Variants in DOP1B observed in about 807,000 individuals in gnomAD.
The protein encoded by DOP1B is protein DOP1B.
DOP1B carries 174 observed loss-of-function variants against 233.5 expected under a neutral mutation model. That is an observed-to-expected ratio of 0.75 (90% CI 0.66 to 0.85). The LOEUF (loss-of-function observed/expected upper bound fraction) is 0.85, where lower values mean the gene tolerates loss of function less well. Ranked by LOEUF, DOP1B falls within the 40% of genes least tolerant of loss-of-function variation. The pLI is 0.00. For synonymous variants in DOP1B, 1,190 were observed against 1,185.6 expected, an observed-to-expected ratio of 1.00 and a Z score of -0.08; for missense variants, 2,652 against 2,846.6, an observed-to-expected ratio of 0.93 and a Z score of 1.56.
chr21:36,231,279 T>C (rs2066762144), intron 14 of DOP1B, 145 bp downstream of exon 14: 1 of 1,074,468 alleles, frequency 9.3e-7, no homozygotes, highest in Non-Finnish European at 1.3e-6. Flanking sequence ...ATATTTGCCT[T>C]ACACTTACCG....
chr21:36,164,802 G>T lies in DOP1B; in HGVS notation c.69G>T (p.Lys23Asn). 6.2e-7 allele frequency: 1 copy of T among 1,612,590 alleles called. No homozygotes were observed. The highest frequency in any genetic ancestry group is 8.5e-7 in the Non-Finnish European group (1 of 1,179,380). ...GAAGCTACTCTTCAGTGATTGAAAA[G>T]GCTTTGAGAAATTTTGAGTCCTCGA... is the stretch of plus-strand genomic sequence containing the variant. ...RYRSYSSVIEKALRNFESSSE... is the reference protein window; with the variant it reads ...RYRSYSSVIENALRNFESSSE... Residue 23 changes from lysine to asparagine, a missense_variant, in exon 2 of 37, where the codon AAG becomes AAT. Transcript: ENST00000691173.
chr21:36,183,463 C>T (rs553353884), intron 2 of DOP1B, among the ~76,000 whole-genome samples: 13 of 152,340 alleles, frequency 8.5e-5, no homozygotes, highest in African/African-American at 2.2e-4. Flanking sequence ...ATCCTCAACC[C>T]GAGAGCCAGA....
intron 23 of DOP1B, among the ~76,000 whole-genome samples, chr21:36,257,461 C>T (rs1436838914): frequency 6.6e-6 from 1 of 152,182 alleles, no homozygotes; most frequent in Non-Finnish European, 1.5e-5. Flanking sequence ...TGGGACAGGA[C>T]CCTCTCCAGA....
intron 18 of DOP1B, among the ~76,000 whole-genome samples, chr21:36,241,804 T>C (rs1431141401): frequency 6.6e-6 from 1 of 150,812 alleles, no homozygotes; most frequent in Non-Finnish European, 1.5e-5. Context: ...GCCTCCTAAA[T>C]TGCTGGGATT....
At chr21:36,287,579 CTTTTTTTTTTT>C (rs869203517) in intron 32 of DOP1B, among the ~76,000 whole-genome samples, 5 of 73,122 alleles carry the variant, frequency 6.8e-5, no homozygotes, top group Admixed American at 2.1e-4. Flanking sequence ...TCCTAACATT[CTTTTTTTTTTT>C]TTTTTTTTTT....
chr21:36,229,731 G>T (rs1390062648), intron 13 of DOP1B, among the ~76,000 whole-genome samples: 2 of 137,548 alleles, frequency 1.5e-5, no homozygotes, highest in Non-Finnish European at 3.0e-5. Flanking sequence ...GCATGATTTT[G>T]GCTCACTGCA....
chr21:36,196,488 A>T (rs1215295270), intron 2 of DOP1B, among the ~76,000 whole-genome samples: 3 of 149,350 alleles, frequency 2.0e-5, no homozygotes, highest in South Asian at 2.1e-4. Flanking sequence ...ATCCTTTGTG[A>T]CAGTGTGGAA....
At chr21:36,262,925 A>T (rs946271345) in intron 24 of DOP1B, among the ~76,000 whole-genome samples, 3 of 143,876 alleles carry the variant, frequency 2.1e-5, no homozygotes, top group Non-Finnish European at 3.0e-5. Flanking sequence ...ATAAATAAAT[A>T]AAATAAAATA....
chr21:36,261,040 T>TATAG, intron 24 of DOP1B: 1 of 1,102,226 alleles, frequency 9.1e-7, no homozygotes, highest in Non-Finnish European at 1.1e-6. Context: ...AAAAACCACA[T>TATAG]ATAGGGAAGT....
chr21:36,289,305 C>A, intron 35 of DOP1B, 99 bp downstream of exon 35: 1 of 1,276,180 alleles, frequency 7.8e-7, no homozygotes, highest in Non-Finnish European at 1.1e-6. Flanking sequence ...TTATGGGAAA[C>A]CACCATCTGG....
intron 10 of DOP1B, among the ~76,000 whole-genome samples, chr21:36,221,339 A>G (rs905064457): frequency 6.6e-6 from 1 of 151,736 alleles, no homozygotes; most frequent in Non-Finnish European, 1.5e-5. Context: ...CAAAAAAAAT[A>G]CAAAGGTTAG....
rs1387321883 is a variant in DOP1B at position 36,208,775 on chromosome 21, C to T, written c.552C>T (p.Ala184=). ...LVVGKEVFYT[A]LWGSVLASPS... is the part of the protein sequence containing the mutation. ...TTGGCAAAGAGGTGTTTTACACCGC[C>T]CTCTGGGGGAGCGTCCTGGCCAGCC... The change falls in exon 5 of 37, where the codon GCC becomes GCT. Residue 184 remains alanine (A), a synonymous_variant. Transcript: ENST00000691173. The T allele has an allele frequency of 1.2e-6, 2 of 1,613,168 alleles. No homozygotes were observed. Among genetic ancestry groups the T allele is most frequent in the Non-Finnish European group, 1.7e-6 (2 of 1,179,658 alleles).
At chr21:36,212,776 A>G (rs1197787651) in intron 7 of DOP1B, among the ~76,000 whole-genome samples, 1 of 152,170 alleles carries the variant, frequency 6.6e-6, no homozygotes, top group Non-Finnish European at 1.5e-5. Flanking sequence ...AACTCTCAAC[A>G]TTTAGATCTT....
At chr21:36,161,608 C>T (rs1450125235) in intron 1 of DOP1B, among the ~76,000 whole-genome samples, 3 of 152,178 alleles carry the variant, frequency 2.0e-5, no homozygotes, top group African/African-American at 7.2e-5. Context: ...CCTACCTCAA[C>T]CTCTGGAGTA....
intron 10 of DOP1B, among the ~76,000 whole-genome samples, chr21:36,219,905 ATG>A (rs532748228): frequency 4.0e-5 from 6 of 150,972 alleles, no homozygotes; most frequent in African/African-American, 1.5e-4. Flanking sequence ...TGGAAAGGGG[ATG>A]TGAGTCTTCA....
intron 27 of DOP1B, among the ~76,000 whole-genome samples, chr21:36,271,818 T>G (rs2067292709): frequency 6.6e-6 from 1 of 150,662 alleles, no homozygotes; most frequent in East Asian, 1.9e-4. Context: ...TGTTTCTTTT[T>G]GCAGAACTAT....
chr21:36,292,018 A>G, intron 35 of DOP1B, 86 bp from the exon 36 acceptor site: 2 of 1,422,614 alleles, frequency 1.4e-6, no homozygotes, highest in Non-Finnish European at 1.9e-6. Context: ...TAGATACAGT[A>G]TGTGAATTAT....
chr21:36,247,405 T>C, intron 19 of DOP1B, 112 bp from the exon 20 acceptor site: 1 of 562,802 alleles, frequency 1.8e-6, no homozygotes, highest in Admixed American at 3.7e-5. Flanking sequence ...AGCTCCAGTT[T>C]ATTTGGGATG....
chr21:36,175,214 G>A (rs910106092), intron 2 of DOP1B, among the ~76,000 whole-genome samples: 2 of 151,784 alleles, frequency 1.3e-5, no homozygotes, highest in East Asian at 2.0e-4. Flanking sequence ...AGATTCAAGC[G>A]ATTCTTCTGC....
Sources: allele counts gnomAD v4.1 joint callset (sites outside exome capture counted in the v4.1 genomes callset), GRCh38; gene constraint gnomAD v4.1.1; transcripts MANE v1.5; gene names NCBI Gene and HGNC (gene_info 2026-07-23, HGNC 2026-07-21).